ZFAND6: variants seen among roughly 807,000 people sequenced by gnomAD.
ZFAND6 encodes AN1-type zinc finger protein 6.
In ZFAND6, 12 loss-of-function variants were observed where a neutral mutation model predicts 24.5. The ratio of observed to expected loss-of-function variants is 0.49; its 90% CI spans 0.31 to 0.79. The LOEUF (loss-of-function observed/expected upper bound fraction) is 0.79, where lower values mean the gene tolerates loss of function less well. ZFAND6 is among the 30% of genes least tolerant of loss of function. ZFAND6 has a pLI of 0.04. For missense variants in ZFAND6, 207 were observed against 245.9 expected (o/e 0.84, Z 1.06); for synonymous variants, 92 against 81.5 (o/e 1.13, Z -0.69).
chr15:80,121,582 C>A, intron 3 of ZFAND6, 130 bp from the exon 4 acceptor site: 3 of 576,958 alleles, frequency 5.2e-6, no homozygotes, highest in South Asian at 5.4e-5. Context: ...AAATAATGAA[C>A]CAACATACTA....
intron 6 of ZFAND6, among the ~76,000 whole-genome samples, chr15:80,132,560 C>T (rs534421015): frequency 2.8e-4 from 42 of 152,252 alleles, no homozygotes; most frequent in African/African-American, 8.9e-4. Context: ...GCAGTGAGTT[C>T]AGGTGCTGCA....
chr15:80,099,491 T>C (rs1274767088), intron 2 of ZFAND6, among the ~76,000 whole-genome samples: 2 of 152,120 alleles, frequency 1.3e-5, no homozygotes, highest in African/African-American at 2.4e-5. Context: ...TGCACTAAAA[T>C]GAAATTACTT....
intron 1 of ZFAND6, among the ~76,000 whole-genome samples, chr15:80,067,683 T>G (rs2141799885): frequency 6.6e-6 from 1 of 152,222 alleles, no homozygotes; most frequent in East Asian, 1.9e-4. Context: ...TAGTGGCGAT[T>G]GTGTTGGACA....
Position 80,070,974 on chromosome 15 carries a change from C to T in ZFAND6, c.-181+11165C>T, listed in dbSNP as rs75159895. On this transcript the variant is annotated intron_variant, in intron 1 of 6. Coordinates refer to ENST00000261749, the MANE Select transcript of ZFAND6 (RefSeq NM_019006.4). ...GTGGGAAGAAAACCTGAACTTGACT[C>T]ATGAAGTGCTGGGCATTCAAAACAG... Among the ~76,000 whole-genome samples the T allele has an allele frequency of 0.02, 3,121 of 152,304 alleles. 228 individuals are homozygous for T. In the East Asian group the frequency reaches 0.22, roughly 11 times the overall value.
rs569430990 is a variant in ZFAND6 at position 80,099,440 on chromosome 15, G to T, written c.-18+862G>T. Among the ~76,000 whole-genome samples, 17 of 152,272 alleles carry T rather than the reference G, an allele frequency of 1.1e-4. No individual in the cohort carries two copies. The South Asian group carries it at 3.5e-3, about 32-fold the overall frequency. ...AGAGACTTATAAAATCTTGTTAACT[G>T]TTCACTGAGGCATGGAGTAGAAGGA... On this transcript the variant is annotated intron_variant, in intron 2 of 6. Transcript: ENST00000261749.
chr15:80,089,858 A>G (rs2038245031), intron 1 of ZFAND6, among the ~76,000 whole-genome samples: 2 of 152,108 alleles, frequency 1.3e-5, no homozygotes, highest in South Asian at 4.2e-4. Context: ...AGGTATTTAT[A>G]TTTTAAGAGT....
chr15:80,109,050 C>T (rs1173801525), intron 2 of ZFAND6, among the ~76,000 whole-genome samples: 1 of 152,104 alleles, frequency 6.6e-6, no homozygotes, highest in Non-Finnish European at 1.5e-5. Flanking sequence ...AGTGCATGAA[C>T]TGTATAGTCA....
intron 2 of ZFAND6, among the ~76,000 whole-genome samples, chr15:80,101,613 A>G (rs1471491301): frequency 6.6e-6 from 1 of 152,144 alleles, no homozygotes; most frequent in East Asian, 1.9e-4. Flanking sequence ...TTCACTAGGT[A>G]ATGTATTTGC....
chr15:80,114,225 C>T (rs765832581), intron 2 of ZFAND6, among the ~76,000 whole-genome samples: 3 of 152,292 alleles, frequency 2.0e-5, no homozygotes, highest in East Asian at 3.9e-4. Flanking sequence ...TAAGTGCCCT[C>T]TTAGTTGAAA....
intron 1 of ZFAND6, among the ~76,000 whole-genome samples, chr15:80,079,976 A>G (rs2037553467): frequency 6.8e-6 from 1 of 146,178 alleles, no homozygotes; most frequent in South Asian, 2.2e-4. Context: ...AGAATACACA[A>G]CCGTTTTTCT....
rs575752393 is a variant in ZFAND6, at chr15:80,073,139, T to A, written c.-181+13330T>A. 8 of 169,580 alleles carry A rather than the reference T, an allele frequency of 4.7e-5. No individual in the cohort carries two copies. The South Asian group carries it at 9.4e-4, about 20-fold the overall frequency. 10.5% of individuals were successfully genotyped at this position (169,580 alleles called of 1,614,324 possible). The stretch of plus-strand genomic sequence containing the variant: ...CCTTTTAATTTCAGTATATTTTAAT[T>A]TAACAATATGTTGACATTTTTAATA... On this transcript the variant is annotated intron_variant, in intron 1 of 6. Coordinates refer to ENST00000261749, the MANE Select transcript of ZFAND6 (RefSeq NM_019006.4).
chr15:80,078,770 G>A (rs2037443852), intron 1 of ZFAND6, among the ~76,000 whole-genome samples: 1 of 151,632 alleles, frequency 6.6e-6, no homozygotes, highest in Non-Finnish European at 1.5e-5. Context: ...GGCTTGAGAT[G>A]ATATTTTGAT....
At chr15:80,121,889 T>A in intron 4 of ZFAND6, 69 bp downstream of exon 4, 4 of 1,319,342 alleles carry the variant, frequency 3.0e-6, no homozygotes, top group Non-Finnish European at 4.2e-6. Context: ...TGTGTTTGAT[T>A]AATAAGGAAA....
chr15:80,132,282 A>G (rs1412966131), intron 6 of ZFAND6, among the ~76,000 whole-genome samples: 2 of 152,194 alleles, frequency 1.3e-5, no homozygotes, highest in Non-Finnish European at 2.9e-5. Context: ...AATTAAGAAG[A>G]GTTAGGCATG....
intron 1 of ZFAND6, among the ~76,000 whole-genome samples, chr15:80,063,333 T>C (rs1044973393): frequency 6.6e-5 from 10 of 152,198 alleles, no homozygotes; most frequent in Non-Finnish European, 1.5e-4. Context: ...AGACTGTCTT[T>C]ATAATTTGGT....
At chr15:80,067,667 T>A (rs535717340) in intron 1 of ZFAND6, among the ~76,000 whole-genome samples, 1 of 152,290 alleles carries the variant, frequency 6.6e-6, no homozygotes, top group South Asian at 2.1e-4. Flanking sequence ...AGTGGCCTTA[T>A]GTGGCTAGTG....
At chr15:80,065,296 G>T (rs551336686) in intron 1 of ZFAND6, among the ~76,000 whole-genome samples, 1 of 150,572 alleles carries the variant, frequency 6.6e-6, no homozygotes, top group Non-Finnish European at 1.5e-5. Context: ...TTGAAATAAA[G>T]CTGCCTTTAT....
At chr15:80,080,470 C>A (rs1389309680) in intron 1 of ZFAND6, among the ~76,000 whole-genome samples, 1 of 152,126 alleles carries the variant, frequency 6.6e-6, no homozygotes, top group Non-Finnish European at 1.5e-5. Flanking sequence ...ATAAATTAGA[C>A]ATAGTAAGAC....
chr15:80,111,015 A>G (rs1279859896), intron 2 of ZFAND6, among the ~76,000 whole-genome samples: 2 of 152,220 alleles, frequency 1.3e-5, no homozygotes, highest in African/African-American at 4.8e-5. Context: ...AAGAGCAAGG[A>G]AAGAAAACAT....
Sources: allele counts gnomAD v4.1 joint callset (sites outside exome capture counted in the v4.1 genomes callset), GRCh38; gene constraint gnomAD v4.1.1; transcripts MANE v1.5; gene names NCBI Gene and HGNC (gene_info 2026-07-23, HGNC 2026-07-21).